The following LUC7L2 variants were observed in gnomAD, a reference collection of about 807,000 sequenced individuals.
LUC7L2 encodes the protein putative RNA-binding protein Luc7-like 2.
LUC7L2 carries 25 observed loss-of-function variants against 52.8 expected under a neutral mutation model. That is an observed-to-expected ratio of 0.47 (90% CI 0.34 to 0.66). LUC7L2 has a LOEUF of 0.66. Among genes scored for constraint, LUC7L2 ranks in the 30% least tolerant of loss-of-function variants. The probability of loss-of-function intolerance (pLI) is 0.01; values close to 1 mark genes in which losing one functional copy is unlikely to be tolerated. For missense variants in LUC7L2, 328 were observed against 497.8 expected, an observed-to-expected ratio of 0.66 and a Z score of 3.25; for synonymous variants, 144 against 160.9, an observed-to-expected ratio of 0.89 and a Z score of 0.80.
chr7:139,410,308 T>A (rs1321612438), intron 7 of LUC7L2, among the ~76,000 whole-genome samples: 1 of 150,960 alleles, frequency 6.6e-6, no homozygotes, highest in Admixed American at 6.6e-5. Context: ...ATTTTTTTTT[T>A]ATGATGTATT....
chr7:139,398,823 T>C, intron 3 of LUC7L2, 126 bp downstream of exon 3: 1 of 717,160 alleles, frequency 1.4e-6, no homozygotes, highest in Non-Finnish European at 2.1e-6. Context: ...AGGGTAAGAC[T>C]CAAGTAAGAT....
rs1031545654 is a variant in LUC7L2, at chr7:139,422,240, G to C, written c.1079G>C (p.Arg360Pro). The change falls in exon 10 of 10, where the codon CGT becomes CCT. Residue 360 changes from arginine (R) to proline (P), a missense_variant. Arg to Pro is a moderately radical substitution (Grantham distance 103, BLOSUM62 -2). Around this residue, in one of 2 missense-constraint regions of LUC7L2, gnomAD observed 195 missense variants for 223.3 expected, o/e 0.87. Coordinates refer to ENST00000354926, the MANE Select transcript of LUC7L2 (RefSeq NM_016019.5). ...AGGAGTTCAAGAGACAGATCACCTC[G>C]TGACAGAGATCGGAAAGATAAGAAG... ...RDRSSRDRSPRDRDRKDKKRS... is the reference protein window; with the variant it reads ...RDRSSRDRSPPDRDRKDKKRS... 1.9e-6 allele frequency: 3 copies of C among 1,614,082 alleles called. No individual in the cohort carries two copies. The highest frequency in any genetic ancestry group is 2.5e-6 in the Non-Finnish European group (3 of 1,180,042).
Position 139,341,505 on chromosome 7 carries a change from G to A in LUC7L2, c.-26+988G>A, listed in dbSNP as rs1242043457. The A allele has an allele frequency of 3.7e-6, 6 of 1,613,234 alleles. No individual in the cohort carries two copies. In the South Asian group the frequency reaches 5.5e-5, roughly 15 times the overall value. ...CGCGGCCTATCGGTACCTTGTGAAG[G>A]CTTTCCGTGCACATCGGGTACGGGA... On this transcript the variant is annotated intron_variant, in intron 1 of 10. Transcript: ENST00000541170.
At chr7:139,403,255 G>A (rs529090779) in intron 4 of LUC7L2, among the ~76,000 whole-genome samples, 2 of 152,262 alleles carry the variant, frequency 1.3e-5, no homozygotes, top group Admixed American at 6.5e-5. Context: ...ATGTTATCCA[G>A]TGTATGTTTA....
chr7:139,387,200 GAT>G (rs1050478899), intron 2 of LUC7L2, among the ~76,000 whole-genome samples: 35 of 152,212 alleles, frequency 2.3e-4, no homozygotes, highest in African/African-American at 8.2e-4. Flanking sequence ...CAAAAATAAA[GAT>G]ATGTGTTGAT....
chr7:139,346,872 AT>A (rs1367814811), intron 1 of LUC7L2, among the ~76,000 whole-genome samples: 28 of 152,218 alleles, frequency 1.8e-4, no homozygotes, highest in Non-Finnish European at 1.0e-4. Flanking sequence ...CTTGGGCTTC[AT>A]TTGGTATTCC....
chr7:139,378,153 G>A (rs185841403), intron 2 of LUC7L2, among the ~76,000 whole-genome samples: 3 of 151,884 alleles, frequency 2.0e-5, no homozygotes, highest in Admixed American at 6.6e-5. Context: ...TAACATTTTC[G>A]TAATTATTTT....
At chr7:139,341,462 C>T in intron 1 of LUC7L2, 1 of 1,613,690 alleles carries the variant, frequency 6.2e-7, no homozygotes, top group African/African-American at 1.3e-5. Context: ...CGGCCACCGG[C>T]CGACCCTATC....
At chr7:139,387,242 G>A (rs184959305) in intron 2 of LUC7L2, among the ~76,000 whole-genome samples, 3 of 152,296 alleles carry the variant, frequency 2.0e-5, no homozygotes. Flanking sequence ...TTGTAAAGCT[G>A]GAGTGCAGTG....
At chr7:139,390,616 C>T (rs1266158847) in intron 2 of LUC7L2, among the ~76,000 whole-genome samples, 12 of 146,744 alleles carry the variant, frequency 8.2e-5, no homozygotes, top group African/African-American at 1.6e-4. Context: ...AGTGCAGTGG[C>T]ACGATCTCGG....
At chr7:139,365,563 T>C (rs1054691174) in intron 1 of LUC7L2, among the ~76,000 whole-genome samples, 1 of 152,054 alleles carries the variant, frequency 6.6e-6, no homozygotes, top group African/African-American at 2.4e-5. Flanking sequence ...TACAAAGCAT[T>C]GAAGCTTAAA....
chr7:139,386,237 C>A (rs2355785), intron 2 of LUC7L2, among the ~76,000 whole-genome samples: 58,440 of 151,762 alleles, frequency 0.39, 15,727 homozygotes, highest in African/African-American at 0.77. Context: ...CCTGGCCTCA[C>A]GTAATCCACC....
intron 2 of LUC7L2, among the ~76,000 whole-genome samples, chr7:139,394,219 G>T (rs947122859): frequency 6.6e-6 from 1 of 152,150 alleles, no homozygotes; most frequent in East Asian, 1.9e-4. Flanking sequence ...TTAATAAGCC[G>T]CCCTGTGCCA....
chr7:139,420,255 G>A (rs191405215), intron 9 of LUC7L2, among the ~76,000 whole-genome samples: 1 of 152,272 alleles, frequency 6.6e-6, no homozygotes, highest in East Asian at 1.9e-4. Flanking sequence ...CCAGGCTGGA[G>A]GGCAGTGGCG....
Position 139,415,676 on chromosome 7 carries a change from G to T in LUC7L2, c.810-1862G>T, listed in dbSNP as rs550145962. ...TCCAGCTAATTTTTAAAAATTTATT[G>T]TAGATACGGGGTCTCCCTATGTTGC... On this transcript the variant is annotated intron_variant, in intron 8 of 9. Transcript: ENST00000354926. 7.9e-5 allele frequency among the ~76,000 whole-genome samples: 11 copies of T among 138,582 alleles called. No homozygotes were observed. In the South Asian group the frequency reaches 2.6e-3, roughly 33 times the overall value. The allele number at this position is 138,582 out of a possible 152,430, so 90.9% of individuals were successfully genotyped here.
chr7:139,375,457 G>A, intron 1 of LUC7L2: 1 of 985,370 alleles, frequency 1.0e-6, no homozygotes, highest in Non-Finnish European at 1.2e-6. Context: ...CTTCTTCCAG[G>A]TTTGTACGCT....
chr7:139,420,930 C>T (rs544783615), intron 9 of LUC7L2, among the ~76,000 whole-genome samples: 1 of 152,242 alleles, frequency 6.6e-6, no homozygotes, highest in South Asian at 2.1e-4. Flanking sequence ...TCCCGAGTAG[C>T]TGGGACTACA....
upstream of LUC7L2, chr7:139,359,867 A>C (rs1005815378): frequency 7.3e-6 from 3 of 408,796 alleles, no homozygotes; most frequent in Non-Finnish European, 1.3e-5. Flanking sequence ...CCCCCGCGGG[A>C]AACGACTGAG....
intron 1 of LUC7L2, among the ~76,000 whole-genome samples, chr7:139,349,690 C>T (rs1360762190): frequency 6.6e-6 from 1 of 150,900 alleles, no homozygotes; most frequent in Non-Finnish European, 1.5e-5. Context: ...AACTACTCTG[C>T]CTCTATCTCA....
Sources: allele counts gnomAD v4.1 joint callset (sites outside exome capture counted in the v4.1 genomes callset), GRCh38; gene constraint gnomAD v4.1.1; regional missense constraint gnomAD v4.1.1; transcripts MANE v1.5; gene names NCBI Gene and HGNC (gene_info 2026-07-23, HGNC 2026-07-21).